Variants in MTHFD1L observed in about 807,000 individuals in gnomAD.
The protein encoded by MTHFD1L is methylenetetrahydrofolate dehydrogenase (NADP+ dependent) 1 like, also known as monofunctional C1-tetrahydrofolate synthase, mitochondrial.
MTHFD1L carries 81 observed loss-of-function variants against 119.5 expected under a neutral mutation model. The ratio of observed to expected loss-of-function variants is 0.68; its 90% CI spans 0.57 to 0.82. The LOEUF is 0.82. Among genes scored for constraint, MTHFD1L ranks in the 40% least tolerant of loss-of-function variants. The pLI is 0.00. For synonymous variants in MTHFD1L, 430 were observed against 475.2 expected, an observed-to-expected ratio of 0.90 and a Z score of 1.24; for missense variants, 1,125 against 1,253.4, an observed-to-expected ratio of 0.90 and a Z score of 1.55.
At chr6:150,936,701 T>C in intron 11 of MTHFD1L, 103 bp from the exon 12 acceptor site, 1 of 1,378,588 alleles carries the variant, frequency 7.3e-7, no homozygotes, top group Non-Finnish European at 1.0e-6. Context: ...ATGGAGTGCA[T>C]TTTGAAATGA....
intron 24 of MTHFD1L, among the ~76,000 whole-genome samples, chr6:151,030,218 A>G (rs1785142778): frequency 6.6e-6 from 1 of 152,226 alleles, no homozygotes; most frequent in Admixed American, 6.5e-5. Context: ...TTAACCACAC[A>G]TAAGGAGGGG....
chr6:151,043,484 C>A (rs566727930), intron 26 of MTHFD1L, among the ~76,000 whole-genome samples: 1 of 152,110 alleles, frequency 6.6e-6, no homozygotes, highest in East Asian at 1.9e-4. Context: ...CCAGGCTGGT[C>A]TCAAACTCCT....
At chr6:150,945,402 G>T in intron 14 of MTHFD1L, 65 bp from the exon 15 acceptor site, 1 of 1,317,926 alleles carries the variant, frequency 7.6e-7, no homozygotes, top group Non-Finnish European at 1.1e-6. Flanking sequence ...GTCATATCCT[G>T]TGAATTGTCC....
intron 26 of MTHFD1L, among the ~76,000 whole-genome samples, chr6:151,052,504 C>A (rs1335872565): frequency 6.6e-6 from 1 of 152,156 alleles, no homozygotes; most frequent in African/African-American, 2.4e-5. Context: ...CCCAGGAGTG[C>A]CCTGAGGTGT....
chr6:150,933,535 G>A (rs1450171935), intron 11 of MTHFD1L, among the ~76,000 whole-genome samples: 4 of 152,120 alleles, frequency 2.6e-5, no homozygotes, highest in Non-Finnish European at 5.9e-5. Context: ...AGAGGTGACT[G>A]ATAAGCCGGG....
chr6:151,017,218 C>T (rs1481622253), intron 24 of MTHFD1L, among the ~76,000 whole-genome samples: 1 of 152,170 alleles, frequency 6.6e-6, no homozygotes, highest in Non-Finnish European at 1.5e-5. Flanking sequence ...ACAGTCCCTG[C>T]CAGCTACCAT....
At chr6:151,054,725 C>CA (rs1384919442) in intron 26 of MTHFD1L, among the ~76,000 whole-genome samples, 1 of 151,850 alleles carries the variant, frequency 6.6e-6, no homozygotes, top group African/African-American at 2.4e-5. Flanking sequence ...ATGGGTAATC[C>CA]AAAAAAGACC....
intron 8 of MTHFD1L, among the ~76,000 whole-genome samples, chr6:150,910,678 G>A (rs2128866029): frequency 6.6e-6 from 1 of 152,250 alleles, no homozygotes; most frequent in South Asian, 2.1e-4. Flanking sequence ...TTGGGAGCAA[G>A]GCTGTTGGGA....
chr6:150,949,099 C>A lies in MTHFD1L; in HGVS notation c.1692C>A (p.Leu564=), dbSNP rs777765319. The A allele has an allele frequency of 1.9e-6, 3 of 1,614,010 alleles. No homozygotes were observed. The South Asian group carries it at 3.3e-5, about 18-fold the overall frequency. The change falls in exon 16 of 28, where the codon CTC becomes CTA. Residue 564 remains leucine, a synonymous_variant. Transcript: ENST00000367321. ...AGGAAGTGAGTAAATTTGCCCGTCT[C>A]GACATCGACCCATCTACCATCACGT... ...TEEEVSKFAR[L]DIDPSTITWQ...
At chr6:150,873,898 G>A (rs988001113) in intron 1 of MTHFD1L, among the ~76,000 whole-genome samples, 1 of 152,112 alleles carries the variant, frequency 6.6e-6, no homozygotes, top group Non-Finnish European at 1.5e-5. Flanking sequence ...TCAAACTCCT[G>A]ACCTCAAGTG....
At position 151,003,578 on chromosome 6, in the gene MTHFD1L, G is replaced by A. The variant is rs561360128; in HGVS notation, c.2126-6241G>A. Among the ~76,000 whole-genome samples the A allele has an allele frequency of 7.2e-5, 11 of 152,208 alleles. No individual in the cohort carries two copies. In the South Asian group the frequency reaches 1.9e-3, roughly 26 times the overall value. On this transcript the variant is annotated intron_variant, in intron 20 of 27. Coordinates refer to ENST00000367321, the MANE Select transcript of MTHFD1L (RefSeq NM_015440.5). ...GTCAGAAAGACGTTCTTTTTCACTA[G>A]GTGATGAATTAATCTTTCCCATCTT...
intron 9 of MTHFD1L, 92 bp downstream of exon 9, chr6:150,918,760 C>T: frequency 1.0e-6 from 1 of 957,144 alleles, no homozygotes; most frequent in South Asian, 1.4e-5. Context: ...TTACCAGGTA[C>T]AGTGTTAAAC....
chr6:151,057,518 G>T (rs1239248100), intron 26 of MTHFD1L: 1 of 199,134 alleles, frequency 5.0e-6, no homozygotes, highest in South Asian at 1.7e-4. Flanking sequence ...TGTAGTCCCA[G>T]CTACTCAGGA....
chr6:150,886,454 AAAAAGAG>A (rs1782307994), intron 6 of MTHFD1L, among the ~76,000 whole-genome samples: 1 of 151,112 alleles, frequency 6.6e-6, no homozygotes, highest in Non-Finnish European at 1.5e-5. Context: ...AAAAAAAAAA[AAAAAGAG>A]AAGAAGAAGA....
In MTHFD1L at chr6:151,003,235, A is replaced by G. The variant is rs559099574; in HGVS notation, c.2126-6584A>G. On this transcript the variant is annotated intron_variant, in intron 20 of 27. Coordinates refer to ENST00000367321, the MANE Select transcript of MTHFD1L (RefSeq NM_015440.5). ...CAACAACAACAACAAAAAACACATT[A>G]AAAACAGAAAAGTTGGCCGGGCGCC... is the stretch of plus-strand genomic sequence containing the variant. 4.6e-5 allele frequency among the ~76,000 whole-genome samples: 7 copies of G among 152,336 alleles called. No homozygotes were observed. The South Asian group carries it at 1.5e-3, about 32-fold the overall frequency.
At chr6:150,988,252 T>C (rs1294773281) in intron 20 of MTHFD1L, among the ~76,000 whole-genome samples, 1 of 152,240 alleles carries the variant, frequency 6.6e-6, no homozygotes, top group African/African-American at 2.4e-5. Context: ...TTTTTAAAAA[T>C]ATCCGTTACA....
intron 11 of MTHFD1L, among the ~76,000 whole-genome samples, chr6:150,933,952 C>T (rs762319310): frequency 1.3e-5 from 2 of 152,172 alleles, no homozygotes; most frequent in Non-Finnish European, 2.9e-5. Flanking sequence ...TTCTTAGTTT[C>T]CTTTTGGACT....
chr6:150,872,171 C>T (rs1176667430), intron 1 of MTHFD1L, among the ~76,000 whole-genome samples: 1 of 152,088 alleles, frequency 6.6e-6, no homozygotes, highest in African/African-American at 2.4e-5. Flanking sequence ...CCACTGCGCC[C>T]GGCCTAATAA....
rs375404857 is a variant in MTHFD1L, at chr6:150,945,487, T to G, written c.1569T>G (p.Val523=). ...TTTAGGCTCTGTATAATCGGCTGGT[T>G]CCTTTAGTGAATGGTGTCAGAGAAT... is the stretch of plus-strand genomic sequence containing the variant. ...QTDKALYNRL[V]PLVNGVREFS... The change falls in exon 15 of 28, where the codon GTT becomes GTG. Residue 523 remains valine, a synonymous_variant. Coordinates refer to ENST00000367321, the MANE Select transcript of MTHFD1L (RefSeq NM_015440.5). 3.1e-6 allele frequency: 5 copies of G among 1,614,042 alleles called. No homozygotes were observed. The highest frequency in any genetic ancestry group is 4.2e-6 in the Non-Finnish European group (5 of 1,180,004).
Sources: allele counts gnomAD v4.1 joint callset (sites outside exome capture counted in the v4.1 genomes callset), GRCh38; gene constraint gnomAD v4.1.1; transcripts MANE v1.5; gene names NCBI Gene and HGNC (gene_info 2026-07-23, HGNC 2026-07-21).